The following ACMSD variants were observed in gnomAD, a reference collection of about 807,000 sequenced individuals.
The protein encoded by ACMSD is aminocarboxymuconate semialdehyde decarboxylase.
ACMSD carries 37 observed loss-of-function variants against 45.9 expected under a neutral mutation model. That is an observed-to-expected ratio of 0.81 (90% confidence interval 0.62 to 1.06). The LOEUF (loss-of-function observed/expected upper bound fraction) is 1.06. ACMSD is among the 50% of genes least tolerant of loss of function. The probability of loss-of-function intolerance (pLI) is 0.00; values close to 1 mark genes in which losing one functional copy is unlikely to be tolerated. For synonymous variants in ACMSD, 138 were observed against 148.8 expected (o/e 0.93, Z 0.53); for missense variants, 434 against 420.9 (o/e 1.03, Z -0.27).
chr2:134,876,669 A>G (rs1166778785), intron 8 of ACMSD, among the ~76,000 whole-genome samples: 1 of 152,224 alleles, frequency 6.6e-6, no homozygotes, highest in Admixed American at 6.5e-5. Context: ...TTTAATAAGT[A>G]GAAGGAACAC....
chr2:134,875,329 A>G (rs533251572), intron 8 of ACMSD, among the ~76,000 whole-genome samples: 13 of 152,350 alleles, frequency 8.5e-5, no homozygotes, highest in Non-Finnish European at 1.9e-4. Context: ...TTTTGATAAT[A>G]AAGATATTTT....
At chr2:134,854,314 CTA>C (rs1365686558) in intron 2 of ACMSD, among the ~76,000 whole-genome samples, 1 of 152,172 alleles carries the variant, frequency 6.6e-6, no homozygotes, top group East Asian at 1.9e-4. Flanking sequence ...AGAATTCACT[CTA>C]GTTAGTTTAA....
At chr2:134,892,998 G>A (rs527777942) in intron 8 of ACMSD, among the ~76,000 whole-genome samples, 2 of 152,204 alleles carry the variant, frequency 1.3e-5, no homozygotes, top group East Asian at 3.9e-4. Flanking sequence ...TGACAGAGAA[G>A]AAGTAAGTAG....
chr2:134,900,580 G>A (rs574250031), intron 9 of ACMSD, among the ~76,000 whole-genome samples: 1 of 152,290 alleles, frequency 6.6e-6, no homozygotes, highest in South Asian at 2.1e-4. Flanking sequence ...ATTATATGTT[G>A]AGGTTGCTAA....
In ACMSD at chr2:134,900,732, T is replaced by G. The variant is rs921794226; in HGVS notation, c.949-1066T>G. Among the ~76,000 whole-genome samples, 9 of 152,160 alleles carry G rather than the reference T, an allele frequency of 5.9e-5. No homozygotes were observed. The East Asian group carries it at 1.7e-3, about 29-fold the overall frequency. On this transcript the variant is annotated intron_variant, in intron 9 of 9. Coordinates refer to ENST00000356140, the MANE Select transcript of ACMSD (RefSeq NM_138326.3). ...TCCTTCATAGATAAGGGGGGACTGC[T>G]GTATATAGGCAGATGCATTCTACCA...
chr2:134,879,741 G>A (rs964319544), intron 8 of ACMSD, among the ~76,000 whole-genome samples: 3 of 152,082 alleles, frequency 2.0e-5, no homozygotes, highest in African/African-American at 7.2e-5. Flanking sequence ...CACCAGTTTT[G>A]TAACTTTCCT....
intron 3 of ACMSD, 78 bp from the exon 4 acceptor site, chr2:134,861,891 C>A (rs1429193329): frequency 6.6e-7 from 1 of 1,523,406 alleles, no homozygotes; most frequent in East Asian, 2.3e-5. Flanking sequence ...AGGCTTGCTG[C>A]CGCTTGGCCT....
intron 8 of ACMSD, among the ~76,000 whole-genome samples, chr2:134,893,458 G>A (rs189783229): frequency 3.3e-5 from 5 of 152,260 alleles, no homozygotes; most frequent in East Asian, 1.9e-4. Context: ...AAAGTGCTGA[G>A]ATTACAGGTT....
At chr2:134,894,475 A>G (rs1400127961) in intron 8 of ACMSD, among the ~76,000 whole-genome samples, 2 of 152,182 alleles carry the variant, frequency 1.3e-5, no homozygotes, top group Admixed American at 6.5e-5. Flanking sequence ...ATAATTTTCA[A>G]TCTTCCCACA....
chr2:134,847,992 C>G (rs1687161005), intron 2 of ACMSD, among the ~76,000 whole-genome samples: 1 of 152,096 alleles, frequency 6.6e-6, no homozygotes, highest in Admixed American at 6.5e-5. Flanking sequence ...GCTGGAATTA[C>G]AGGCATGTGC....
intron 2 of ACMSD, among the ~76,000 whole-genome samples, chr2:134,847,675 G>A (rs1480601704): frequency 6.6e-6 from 1 of 151,864 alleles, no homozygotes; most frequent in Non-Finnish European, 1.5e-5. Context: ...TGTTCTCATT[G>A]TTCAACTCCC....
intron 6 of ACMSD, 64 bp from the exon 7 acceptor site, chr2:134,870,901 A>C (rs567477072): frequency 4.3e-6 from 6 of 1,405,054 alleles, no homozygotes; most frequent in African/African-American, 2.8e-5. Context: ...CCAGCCACTA[A>C]CATCACTGAA....
chr2:134,883,883 T>C (rs903424428), intron 8 of ACMSD, among the ~76,000 whole-genome samples: 2 of 152,238 alleles, frequency 1.3e-5, no homozygotes, highest in African/African-American at 4.8e-5. Flanking sequence ...ACCTTCATCC[T>C]ACAGGATCAT....
chr2:134,867,303 G>A (rs1242581100), intron 5 of ACMSD: 1 of 234,894 alleles, frequency 4.3e-6, no homozygotes, highest in Non-Finnish European at 8.1e-6. Context: ...GATATTTCCT[G>A]ACGCTTGTTT....
chr2:134,855,383 A>C (rs751768932), intron 2 of ACMSD, among the ~76,000 whole-genome samples: 3 of 152,234 alleles, frequency 2.0e-5, no homozygotes, highest in Non-Finnish European at 2.9e-5. Flanking sequence ...GCCACTGTAC[A>C]TGGCCACTGC....
intron 1 of ACMSD, among the ~76,000 whole-genome samples, chr2:134,844,087 TGAA>T (rs1202029610): frequency 6.6e-6 from 1 of 152,226 alleles, no homozygotes; most frequent in Non-Finnish European, 1.5e-5. Context: ...CATGAAAGCG[TGAA>T]GAAGGAATAA....
At position 134,879,837 on chromosome 2, in the gene ACMSD, T is replaced by C. The variant is rs955283661; in HGVS notation, c.849+7196T>C. 6.6e-5 allele frequency among the ~76,000 whole-genome samples: 10 copies of C among 152,230 alleles called. No individual in the cohort carries two copies. The South Asian group carries it at 2.1e-3, about 31-fold the overall frequency. ...TATCTTCAGGAGCCTTCTGATGCTC[T>C]AATTGGGACTGAGTTGCTATTTAAA... On this transcript the variant is annotated intron_variant, in intron 8 of 9. Transcript: ENST00000356140.
intron 8 of ACMSD, among the ~76,000 whole-genome samples, chr2:134,886,373 C>G (rs894548192): frequency 1.3e-5 from 2 of 150,906 alleles, no homozygotes; most frequent in South Asian, 2.1e-4. Context: ...CTCAGCCTCT[C>G]GAGTAGCTGG....
intron 6 of ACMSD, among the ~76,000 whole-genome samples, chr2:134,868,625 G>T (rs193185120): frequency 6.6e-6 from 1 of 151,736 alleles, no homozygotes; most frequent in East Asian, 1.9e-4. Context: ...GCTAATCTTT[G>T]TATTTTCAGT....
Sources: gnomAD v4.1 joint callset for allele counts (sites outside exome capture counted in the v4.1 genomes callset) on GRCh38, gnomAD v4.1.1 for gene constraint, MANE v1.5 for transcripts, NCBI Gene and HGNC (gene_info 2026-07-23, HGNC 2026-07-21) for gene names.